Variants in FBXO40 observed in about 807,000 individuals in gnomAD.
FBXO40 encodes the protein F-box protein 40, also known as F-box only protein 40.
Under a neutral mutation model 49.9 loss-of-function variants are expected in FBXO40, and 50 were observed. That is an observed-to-expected ratio of 1.00 (90% CI 0.80 to 1.27). The LOEUF (loss-of-function observed/expected upper bound fraction) is 1.27, where lower values mean the gene tolerates loss of function less well. Among genes scored for constraint, FBXO40 ranks in the 50% most tolerant of loss-of-function variants. The pLI is 0.00. For missense variants in FBXO40, 895 were observed against 870.1 expected, an observed-to-expected ratio of 1.03 and a Z score of -0.36; for synonymous variants, 340 against 320.2, an observed-to-expected ratio of 1.06 and a Z score of -0.66.
chr3:121,600,232 G>T, intron 1 of FBXO40, among the ~76,000 whole-genome samples: 1 of 137,116 alleles, frequency 7.3e-6, no homozygotes, highest in African/African-American at 2.7e-5. Context: ...TAGAGACGAG[G>T]TCTTGCTGTG....
chr3:121,611,386 G>A (rs2048964409), intron 1 of FBXO40, among the ~76,000 whole-genome samples: 3 of 152,302 alleles, frequency 2.0e-5, no homozygotes, highest in South Asian at 2.1e-4. Context: ...TAGAATCTAT[G>A]TCATAATGAA....
At chr3:121,617,606 A>G (rs968330304) in intron 1 of FBXO40, among the ~76,000 whole-genome samples, 78 of 152,232 alleles carry the variant, frequency 5.1e-4, no homozygotes, top group African/African-American at 1.8e-3. Flanking sequence ...AAAAACAACA[A>G]CAAAATTTTT....
At chr3:121,607,751 G>C (rs766501675) in intron 1 of FBXO40, among the ~76,000 whole-genome samples, 2 of 152,132 alleles carry the variant, frequency 1.3e-5, no homozygotes, top group South Asian at 2.1e-4. Flanking sequence ...ACCCAGATAG[G>C]CTCCTTTATG....
chr3:121,626,642 G>A, intron 3 of FBXO40, 53 bp from the exon 4 acceptor site: 1 of 1,540,252 alleles, frequency 6.5e-7, no homozygotes, highest in Admixed American at 1.7e-5. Flanking sequence ...AATAAAGCCA[G>A]CCAGAGGGTA....
In FBXO40 at chr3:121,629,300, A is replaced by T. The variant is rs920065332; in HGVS notation, c.*2390A>T. The T allele has an allele frequency of 2.0e-5, 3 of 152,172 alleles. No homozygotes were observed. Among genetic ancestry groups the T allele is most frequent in the South Asian group, 2.1e-4 (1 of 4,824 alleles). The allele number at this position is 152,172 out of a possible 1,614,324, so 9.4% of individuals were successfully genotyped here. A position where few individuals can be genotyped will look rare whatever the true frequency, so the allele number is the denominator to read the frequency against. The stretch of plus-strand genomic sequence containing the variant: ...TAAGGCACCATTTTCTAAAAATATG[A>T]CTAGGGTGTGACCTAAGGTTTTATT... On this transcript the variant is annotated 3_prime_UTR_variant, in exon 4 of 4. Coordinates refer to ENST00000338040, the MANE Select transcript of FBXO40 (RefSeq NM_016298.4).
In FBXO40 at chr3:121,622,403, C is replaced by G; in HGVS notation, c.974C>G (p.Pro325Arg). 6.2e-7 allele frequency: 1 copy of G among 1,614,186 alleles called. No individual in the cohort carries two copies. The highest frequency in any genetic ancestry group is 1.1e-5 in the South Asian group (1 of 91,082). Reference protein sequence around the residue: ...GRMLIHFGQMPACTPKERDFV... With the variant: ...GRMLIHFGQMRACTPKERDFV... The stretch of plus-strand genomic sequence containing the variant: ...ATGCTGATACACTTTGGTCAGATGC[C>G]TGCTTGTACACCCAAGGAGAGAGAC... The change falls in exon 3 of 4, where the codon CCT becomes CGT. Residue 325 changes from proline to arginine, a missense_variant. Coordinates refer to ENST00000338040, the MANE Select transcript of FBXO40 (RefSeq NM_016298.4).
chr3:121,621,978 T>G lies in FBXO40; in HGVS notation c.549T>G (p.His183Gln), dbSNP rs760554899. 3 of 1,614,158 alleles carry G rather than the reference T, an allele frequency of 1.9e-6. No homozygotes were observed. The highest frequency in any genetic ancestry group is 2.5e-6 in the Non-Finnish European group (3 of 1,180,014). The change falls in exon 3 of 4, where the codon CAT becomes CAG. Residue 183 changes from histidine to glutamine, a missense_variant. By Grantham distance (24) the His-to-Gln change is conservative. Coordinates refer to ENST00000338040, the MANE Select transcript of FBXO40 (RefSeq NM_016298.4). ...GAGTGGATATCGGTTTGGTACCACA[T>G]GGTCTGTCAGCAACTAATGGGGAGA... ...VGGVDIGLVP[H>Q]GLSATNGEMA...
chr3:121,622,581 G>GA lies in FBXO40; in HGVS notation c.1153dup (p.Ile385AsnfsTer31). 4 of 1,614,198 alleles carry GA rather than the reference G, an allele frequency of 2.5e-6. No homozygotes were observed. The highest frequency in any genetic ancestry group is 3.4e-6 in the Non-Finnish European group (4 of 1,180,038). The stretch of plus-strand genomic sequence containing the variant: ...AGGCAGTGGATACTTCAGATTTGGG[G>GA]ATCACTGTGGAGGACCTGCCCAAAT... On this transcript the variant is annotated frameshift_variant, in exon 3 of 4. Coordinates refer to ENST00000338040, the MANE Select transcript of FBXO40 (RefSeq NM_016298.4). LOFTEE classifies it high-confidence loss of function.
chr3:121,602,280 G>GT (rs2048904682), intron 1 of FBXO40, among the ~76,000 whole-genome samples: 1 of 152,060 alleles, frequency 6.6e-6, no homozygotes, highest in African/African-American at 2.4e-5. Context: ...CCTCTCACTT[G>GT]TAAGTGGATA....
chr3:121,616,785 T>C (rs912221336), intron 1 of FBXO40, among the ~76,000 whole-genome samples: 1 of 152,198 alleles, frequency 6.6e-6, no homozygotes, highest in Non-Finnish European at 1.5e-5. Flanking sequence ...AGGCTGTCTC[T>C]CCTGAAAAAG....
chr3:121,622,242 A>G lies in FBXO40; in HGVS notation c.813A>G (p.Glu271=). The change falls in exon 3 of 4, where the codon GAA becomes GAG. Residue 271 remains glutamate (E), a synonymous_variant. Coordinates refer to ENST00000338040, the MANE Select transcript of FBXO40 (RefSeq NM_016298.4). ...CTCCCAAAAAGAAAGAACCACAGGA[A>G]AATCAGAAGCAGCAGGACGTTCGTA... ...EGAPKKKEPQ[E]NQKQQDVRTA... is the part of the protein sequence containing the mutation. 1 of 1,614,194 alleles carries G rather than the reference A, an allele frequency of 6.2e-7. No homozygotes were observed. The highest frequency in any genetic ancestry group is 1.1e-5 in the South Asian group (1 of 91,026).
intron 3 of FBXO40, 44 bp downstream of exon 3, chr3:121,623,387 T>C (rs1241160950): frequency 1.3e-6 from 2 of 1,534,748 alleles, no homozygotes; most frequent in African/African-American, 2.7e-5. Flanking sequence ...CAGCAATTTT[T>C]TGTTTCATTT....
At chr3:121,624,789 A>G (rs968215197) in intron 3 of FBXO40, among the ~76,000 whole-genome samples, 1 of 152,074 alleles carries the variant, frequency 6.6e-6, no homozygotes, top group African/African-American at 2.4e-5. Context: ...GGCCCAGGGC[A>G]TAACTCTCTA....
intron 1 of FBXO40, among the ~76,000 whole-genome samples, chr3:121,603,898 T>C (rs9289171): frequency 0.22 from 33,253 of 152,064 alleles, 3,932 homozygotes; most frequent in South Asian, 0.33. Flanking sequence ...TTTTGTATTG[T>C]TAGTAGAGAC....
intron 1 of FBXO40, among the ~76,000 whole-genome samples, chr3:121,609,382 CA>C (rs2048952396): frequency 6.6e-6 from 1 of 150,648 alleles, no homozygotes; most frequent in African/African-American, 2.4e-5. Flanking sequence ...GTTGGGCTAG[CA>C]ATGAGCAAAT....
intron 1 of FBXO40, among the ~76,000 whole-genome samples, chr3:121,612,796 G>A (rs1043755057): frequency 9.2e-5 from 14 of 152,004 alleles, no homozygotes; most frequent in African/African-American, 2.7e-4. Context: ...TCAGCCGGGC[G>A]CGGTGGCTCA....
rs576111022 is a variant in FBXO40 at position 121,605,176 on chromosome 3, A to T, written c.-31+11674A>T. ...GGTCTCAAATTCCTGACCTCAAGTG[A>T]TTCATCCACCTCGGCCTCCCAAAGT... is the stretch of plus-strand genomic sequence containing the variant. On this transcript the variant is annotated intron_variant, in intron 1 of 3. Coordinates refer to ENST00000338040, the MANE Select transcript of FBXO40 (RefSeq NM_016298.4). Among the ~76,000 whole-genome samples the T allele has an allele frequency of 3.2e-4, 48 of 152,134 alleles. 2 individuals are homozygous for T. The South Asian group carries it at 8.7e-3, about 28-fold the overall frequency.
chr3:121,613,995 G>A (rs146837988), intron 1 of FBXO40, among the ~76,000 whole-genome samples: 1,880 of 151,612 alleles, frequency 0.012, 28 homozygotes, highest in Non-Finnish European at 0.018. Context: ...TAGACTGGGC[G>A]CAGTGGCTCA....
intron 1 of FBXO40, among the ~76,000 whole-genome samples, chr3:121,600,667 A>T (rs763545790): frequency 2.8e-4 from 43 of 152,322 alleles, no homozygotes; most frequent in Middle Eastern, 3.4e-3. Flanking sequence ...GCCAAGTGTG[A>T]TGTAGCAAAG....
Sources: allele counts gnomAD v4.1 joint callset (sites outside exome capture counted in the v4.1 genomes callset), GRCh38; gene constraint gnomAD v4.1.1; transcripts MANE v1.5; gene names NCBI Gene and HGNC (gene_info 2026-07-23, HGNC 2026-07-21).